Variants in BCL2L13 observed in about 807,000 individuals in gnomAD.
The protein encoded by BCL2L13 is BCL2 like 13, also known as bcl-2-like protein 13.
Under a neutral mutation model 25.8 loss-of-function variants are expected in BCL2L13, and 13 were observed. The observed-to-expected ratio is 0.50, with a 90% CI of 0.33 to 0.80. The LOEUF (loss-of-function observed/expected upper bound fraction) is 0.80, where lower values mean the gene tolerates loss of function less well. Ranked by LOEUF, BCL2L13 falls within the 30% of genes least tolerant of loss-of-function variation. The pLI, the probability that BCL2L13 is intolerant of heterozygous loss-of-function variation, is 0.02. For synonymous variants in BCL2L13, 244 were observed against 230.3 expected (o/e 1.06, Z -0.54); for missense variants, 504 against 574.9 (o/e 0.88, Z 1.26).
At chr22:17,718,198 G>T (rs1438635682) in intron 6 of BCL2L13, among the ~76,000 whole-genome samples, 1 of 152,054 alleles carries the variant, frequency 6.6e-6, no homozygotes, top group African/African-American at 2.4e-5. Context: ...TTACATTAGA[G>T]TAATACCAGA....
chr22:17,631,687 TATATATATATATA>T (rs2058025484), intron 1 of BCL2L13, among the ~76,000 whole-genome samples: 1 of 61,356 alleles, frequency 1.6e-5, no homozygotes, highest in South Asian at 6.9e-4. Flanking sequence ...TATATATATA[TATATATATATATA>T]TATATATTTT....
chr22:17,690,200 C>T (rs145029334), intron 4 of BCL2L13, among the ~76,000 whole-genome samples: 79 of 151,992 alleles, frequency 5.2e-4, no homozygotes, highest in African/African-American at 1.6e-3. Flanking sequence ...GTGGCAGGTG[C>T]CTATAATCCC....
upstream of BCL2L13, among the ~76,000 whole-genome samples, chr22:17,634,254 C>A (rs962272970): frequency 1.6e-4 from 25 of 152,040 alleles, no homozygotes; most frequent in South Asian, 4.6e-3. Context: ...GGAGTGATCT[C>A]GGCTCAACAC....
intron 5 of BCL2L13, among the ~76,000 whole-genome samples, chr22:17,699,184 ACAAAT>A (rs2060358721): frequency 6.6e-6 from 1 of 152,218 alleles, no homozygotes; most frequent in Admixed American, 6.5e-5. Context: ...TTTGAAGCAC[ACAAAT>A]CAAAGACAAA....
rs904497933 is a variant in BCL2L13 at position 17,687,763 on chromosome 22, C to T, written c.230-1223C>T. 1.9e-3 allele frequency among the ~76,000 whole-genome samples: 293 copies of T among 151,428 alleles called. 3 individuals are homozygous for T. The highest frequency in any genetic ancestry group is 6.6e-3 in the African/African-American group (273 of 41,286). Reference sequence around the variant, plus strand: ...CGATCTCCTGACCTCGTGATCTGCCCGCTTCAGCCTCCCAAAGTGCTGGGA... The same window carrying T: ...CGATCTCCTGACCTCGTGATCTGCCTGCTTCAGCCTCCCAAAGTGCTGGGA... On this transcript the variant is annotated intron_variant, in intron 3 of 6. Coordinates refer to ENST00000317582, the MANE Select transcript of BCL2L13 (RefSeq NM_015367.4).
intron 2 of BCL2L13, among the ~76,000 whole-genome samples, chr22:17,676,059 A>G (rs1326913170): frequency 6.6e-6 from 1 of 152,232 alleles, no homozygotes; most frequent in African/African-American, 2.4e-5. Flanking sequence ...TAATTATCTA[A>G]TAATACAATT....
intron 3 of BCL2L13, 61 bp downstream of exon 3, chr22:17,683,382 G>A: frequency 1.0e-6 from 1 of 992,528 alleles, no homozygotes; most frequent in Non-Finnish European, 1.5e-6. Flanking sequence ...GTTTACTGTT[G>A]GTTTAATTTG....
chr22:17,657,476 C>T lies in BCL2L13; in HGVS notation c.121+1644C>T, dbSNP rs532566163. ...TCTCACTATCATTTTCCTAGTTTAT[C>T]TCCATTTATCTGTCTGTGAAGCCCT... On this transcript the variant is annotated intron_variant, in intron 2 of 6. Coordinates refer to ENST00000317582, the MANE Select transcript of BCL2L13 (RefSeq NM_015367.4). Among the ~76,000 whole-genome samples the T allele has an allele frequency of 3.9e-5, 6 of 152,174 alleles. No individual in the cohort carries two copies. In the East Asian group the frequency reaches 5.8e-4, roughly 15 times the overall value.
At chr22:17,691,051 G>A (rs1439522483) in intron 4 of BCL2L13, among the ~76,000 whole-genome samples, 1 of 151,748 alleles carries the variant, frequency 6.6e-6, no homozygotes, top group African/African-American at 2.4e-5. Context: ...TTTTTGTAGA[G>A]ACAGGGTCTC....
At chr22:17,701,790 A>G (rs982889337) in intron 5 of BCL2L13, among the ~76,000 whole-genome samples, 7 of 151,916 alleles carry the variant, frequency 4.6e-5, no homozygotes, top group African/African-American at 1.5e-4. Flanking sequence ...GCCAGGCGTC[A>G]TGGCGTACAC....
At chr22:17,640,899 T>TA (rs374146831) in intron 1 of BCL2L13, among the ~76,000 whole-genome samples, 8,607 of 60,342 alleles carry the variant, frequency 0.14, 458 homozygotes, top group East Asian at 0.33. Flanking sequence ...TATATATATA[T>TA]TTTTTTTTTG....
intron 6 of BCL2L13, among the ~76,000 whole-genome samples, chr22:17,708,508 TGAAGACTTTA>T (rs1485262752): frequency 2.0e-5 from 3 of 152,238 alleles, no homozygotes. Flanking sequence ...ATAGATGAAG[TGAAGACTTTA>T]GAAGGGCACA....
chr22:17,664,829 G>T (rs906306119), intron 2 of BCL2L13, among the ~76,000 whole-genome samples: 1 of 152,200 alleles, frequency 6.6e-6, no homozygotes, highest in Non-Finnish European at 1.5e-5. Context: ...CTTTAGCCAC[G>T]ACTGGAGTGG....
chr22:17,646,758 C>G (rs1451760556), intron 1 of BCL2L13, among the ~76,000 whole-genome samples: 1 of 102,056 alleles, frequency 9.8e-6, no homozygotes, highest in Non-Finnish European at 1.8e-5. Flanking sequence ...CTAGCTCTGT[C>G]GCCTAGGCTG....
At position 17,727,532 on chromosome 22, in the gene BCL2L13, T is replaced by C; in HGVS notation, c.1456T>C (p.Ter486GlnextTer21). The change falls in exon 7 of 7, where the codon TAG becomes CAG. Residue 486 changes from the stop codon to glutamine (Q), a stop_lost. Coordinates refer to ENST00000317582, the MANE Select transcript of BCL2L13 (RefSeq NM_015367.4). ...GGTAGCCCTGGCTCTGAGAAAGAAA[T>C]AGGAGGCTTTTCAGAAGAGAAAGAC... ...IGVALALRKK[*>Q] 1.2e-6 allele frequency: 2 copies of C among 1,613,360 alleles called. No homozygotes were observed. Among genetic ancestry groups the C allele is most frequent in the Admixed American group, 1.7e-5 (1 of 59,996 alleles).
chr22:17,662,040 G>T (rs776715714), intron 2 of BCL2L13, among the ~76,000 whole-genome samples: 19 of 151,548 alleles, frequency 1.3e-4, no homozygotes, highest in Admixed American at 3.3e-4. Context: ...CAGTATAATT[G>T]TTACTTTAAT....
In BCL2L13 at chr22:17,671,565, C is replaced by CA. The variant is rs35668910; in HGVS notation, c.122-11634dup. Among the ~76,000 whole-genome samples the CA allele has an allele frequency of 4.9e-3, 692 of 141,278 alleles. 4 individuals carry two copies. Among genetic ancestry groups the CA allele is most frequent in the Middle Eastern group, 0.021 (6 of 284 alleles). 92.7% of individuals were successfully genotyped at this position (141,278 alleles called of 152,430 possible). A position where few individuals can be genotyped will look rare whatever the true frequency, so the allele number is the denominator to read the frequency against. ...TGGGCAACAGAGTGAGGCTACATCT[C>CA]AAAAAAAAAAAAAAATCTTGCTCCT... On this transcript the variant is annotated intron_variant, in intron 2 of 6. Transcript: ENST00000317582.
chr22:17,634,774 C>T (rs2058078445), upstream of BCL2L13, among the ~76,000 whole-genome samples: 1 of 151,594 alleles, frequency 6.6e-6, no homozygotes, highest in African/African-American at 2.4e-5. Context: ...GGGACACCTG[C>T]CTCTACAAAA....
rs1860476531 is a variant in BCL2L13, at chr22:17,728,354, C to A, written c.*820C>A. On this transcript the variant is annotated 3_prime_UTR_variant, in exon 7 of 7. Coordinates refer to ENST00000317582, the MANE Select transcript of BCL2L13 (RefSeq NM_015367.4). The stretch of plus-strand genomic sequence containing the variant: ...CACAGAGAAAATCACATGAAGGAGA[C>A]CTGGGGTCCCCACTTGTGAGTGCAA... The A allele has an allele frequency of 6.6e-6, 1 of 152,204 alleles. No homozygotes were observed. Among genetic ancestry groups the A allele is most frequent in the African/African-American group, 2.4e-5 (1 of 41,450 alleles). 9.4% of individuals were successfully genotyped at this position (152,204 alleles called of 1,614,324 possible).
Sources: gnomAD v4.1 joint callset for allele counts (sites outside exome capture counted in the v4.1 genomes callset) on GRCh38, gnomAD v4.1.1 for gene constraint, MANE v1.5 for transcripts, NCBI Gene and HGNC (gene_info 2026-07-23, HGNC 2026-07-21) for gene names.